Variants in DAGLB observed in about 807,000 individuals in gnomAD.
The protein encoded by DAGLB is diacylglycerol lipase-beta.
A neutral mutation model predicts 72.1 loss-of-function variants in DAGLB; 66 were observed. The observed-to-expected ratio is 0.92, with a 90% CI of 0.75 to 1.12. The LOEUF (loss-of-function observed/expected upper bound fraction) is 1.12. Ranked by LOEUF, DAGLB falls within the 50% of genes most tolerant of loss-of-function variation. The pLI, the probability that DAGLB is intolerant of heterozygous loss-of-function variation, is 0.00. For synonymous variants in DAGLB, 414 were observed against 359.5 expected (o/e 1.15, Z -1.71); for missense variants, 1,065 against 884.9 (o/e 1.20, Z -2.58).
At position 6,410,048 on chromosome 7, in the gene DAGLB, A is replaced by C; in HGVS notation, c.1821-13T>G. ...GCAGCAGCCAAACCTGAAGCAGAAA[A>C]GGAGAGACAGCTCCCACGCGGCCCC... On this transcript the variant is annotated splice_polypyrimidine_tract_variant and intron_variant, in intron 14 of 14. Transcript: ENST00000297056. The C allele has an allele frequency of 6.2e-7, 1 of 1,609,564 alleles. No homozygotes were observed. Among genetic ancestry groups the C allele is most frequent in the Non-Finnish European group, 8.5e-7 (1 of 1,177,096 alleles).
intron 9 of DAGLB, among the ~76,000 whole-genome samples, chr7:6,420,543 G>A (rs142801359): frequency 6.6e-6 from 1 of 152,268 alleles, no homozygotes; most frequent in Non-Finnish European, 1.5e-5. Flanking sequence ...AGACAAAGTA[G>A]AACAGAGGTT....
chr7:6,418,653 T>C (rs1421115592), intron 9 of DAGLB, among the ~76,000 whole-genome samples: 1 of 144,156 alleles, frequency 6.9e-6, no homozygotes, highest in Non-Finnish European at 1.5e-5. Context: ...CTAATCCAAC[T>C]ACAAGTTTCT....
chr7:6,447,846 G>T lies in DAGLB; in HGVS notation c.-4C>A, dbSNP rs753426563. 3.7e-6 allele frequency: 6 copies of T among 1,609,370 alleles called. No homozygotes were observed. The Admixed American group carries it at 8.4e-5, about 23-fold the overall frequency. ...CGAAGAGTACCATCCCCGGCATGGCGAAGGTCCCGTAGCTCGCACTCAGGA... is the reference window on the plus strand; with the variant it reads ...CGAAGAGTACCATCCCCGGCATGGCTAAGGTCCCGTAGCTCGCACTCAGGA... On this transcript the variant is annotated 5_prime_UTR_variant, in exon 1 of 15. Transcript: ENST00000297056.
In DAGLB at chr7:6,446,066, C is replaced by T; in HGVS notation, c.134G>A (p.Gly45Glu). The T allele has an allele frequency of 6.2e-7, 1 of 1,610,974 alleles. No homozygotes were observed. Among genetic ancestry groups the T allele is most frequent in the South Asian group, 1.1e-5 (1 of 90,762 alleles). Residue 45 changes from glycine (G) to glutamate (E), a missense_variant, in exon 2 of 15, where the codon GGA (glycine) becomes GAA (glutamate). Transcript: ENST00000297056. ...GGCTCCACCAGCACAGTCCAGCTTT[C>T]CTCTGTGCATGAGATACAACGTCAG... The part of the protein sequence containing the change: ...GILTLYLMHR[G>E]KLDCAGGALL...
chr7:6,438,123 T>A (rs985685012), intron 2 of DAGLB, among the ~76,000 whole-genome samples: 1 of 151,708 alleles, frequency 6.6e-6, no homozygotes, highest in Non-Finnish European at 1.5e-5. Flanking sequence ...AAACACCGCA[T>A]GTTTTCACTC....
Position 6,410,235 on chromosome 7 carries a change from G to T in DAGLB, c.1715C>A (p.Ala572Asp), listed in dbSNP as rs772337652. Residue 572 changes from alanine (A) to aspartate (D), a missense_variant, in exon 14 of 15, where the codon GCC becomes GAC. Coordinates refer to ENST00000297056, the MANE Select transcript of DAGLB (RefSeq NM_139179.4). Reference sequence around the variant, plus strand: ...TGGGGAGTCGCTGGAGAAGCTGTAGGCCGGGGACCAGCGCGTCAGTAGGCT... The same window carrying T: ...TGGGGAGTCGCTGGAGAAGCTGTAGTCCGGGGACCAGCGCGTCAGTAGGCT... ...EQSLLTRWSP[A>D]YSFSSDSPLD... 11 of 1,612,338 alleles carry T rather than the reference G, an allele frequency of 6.8e-6. No homozygotes were observed. The East Asian group carries it at 1.8e-4, about 26-fold the overall frequency.
At chr7:6,410,080 G>T in intron 14 of DAGLB, 45 bp from the exon 15 acceptor site, 1 of 1,589,580 alleles carries the variant, frequency 6.3e-7, no homozygotes, top group African/African-American at 1.3e-5. Flanking sequence ...CCCCAGGGCT[G>T]ACCCCGCGCT....
intron 11 of DAGLB, chr7:6,416,372 C>T (rs1783916648): frequency 8.6e-6 from 3 of 346,962 alleles, no homozygotes; most frequent in East Asian, 5.7e-5. Context: ...GGTGAAACCC[C>T]ACCACTACTA....
chr7:6,412,018 G>A (rs1476953413), intron 13 of DAGLB, among the ~76,000 whole-genome samples: 4 of 152,048 alleles, frequency 2.6e-5, no homozygotes, highest in African/African-American at 7.2e-5. Flanking sequence ...GGGTTCAAGC[G>A]ATTCTTCTGC....
intron 2 of DAGLB, among the ~76,000 whole-genome samples, chr7:6,436,777 T>C (rs1156316444): frequency 6.6e-6 from 1 of 152,082 alleles, no homozygotes; most frequent in African/African-American, 2.4e-5. Flanking sequence ...AAAACACTTC[T>C]GGGTTCTCAC....
At chr7:6,421,310 GGCA>G (rs1784111624) in intron 9 of DAGLB, among the ~76,000 whole-genome samples, 1 of 33,134 alleles carries the variant, frequency 3.0e-5, no homozygotes, top group African/African-American at 5.5e-4. Flanking sequence ...GTGAGAATCA[GGCA>G]GCGCGGGAGG....
At chr7:6,445,460 G>C (rs1232622082) in intron 2 of DAGLB, among the ~76,000 whole-genome samples, 1 of 152,136 alleles carries the variant, frequency 6.6e-6, no homozygotes, top group African/African-American at 2.4e-5. Flanking sequence ...GAATGCTTAG[G>C]GTTGGGAGAG....
intron 13 of DAGLB, among the ~76,000 whole-genome samples, chr7:6,411,085 C>T (rs139503507): frequency 0.023 from 3,434 of 152,012 alleles, 62 homozygotes; most frequent in Middle Eastern, 0.041. Context: ...GGGGTTTCAC[C>T]GTGGTCTCTA....
chr7:6,446,737 G>C (rs540191629), intron 1 of DAGLB, among the ~76,000 whole-genome samples: 4 of 151,784 alleles, frequency 2.6e-5, no homozygotes, highest in Admixed American at 6.6e-5. Context: ...GGCCCGGCAC[G>C]GCGGCTCACG....
At chr7:6,446,261 G>C (rs188180342) in intron 1 of DAGLB, among the ~76,000 whole-genome samples, 157 bp from the exon 2 acceptor site, 103 of 148,376 alleles carry the variant, frequency 6.9e-4, no homozygotes, top group Middle Eastern at 6.9e-3. Flanking sequence ...AAGGTCAGGA[G>C]ATCGAGACCA....
chr7:6,425,006 G>T (rs1050208993), intron 7 of DAGLB, among the ~76,000 whole-genome samples, 171 bp from the exon 8 acceptor site: 1 of 152,202 alleles, frequency 6.6e-6, no homozygotes, highest in Non-Finnish European at 1.5e-5. Flanking sequence ...CTCTGGCAGG[G>T]ACTGGCCTTC....
chr7:6,422,243 G>A, intron 8 of DAGLB: 1 of 319,434 alleles, frequency 3.1e-6, no homozygotes, highest in South Asian at 2.5e-5. Context: ...ATGGGGCACA[G>A]CCCAGGCGCA....
At chr7:6,414,983 AC>A (rs1783855699) in intron 11 of DAGLB, among the ~76,000 whole-genome samples, 2 of 152,064 alleles carry the variant, frequency 1.3e-5, no homozygotes, top group Non-Finnish European at 2.9e-5. Context: ...AGCCTGGGCA[AC>A]ATAGCAAGAC....
At chr7:6,436,801 T>C (rs1784672840) in intron 2 of DAGLB, among the ~76,000 whole-genome samples, 1 of 151,946 alleles carries the variant, frequency 6.6e-6, no homozygotes, top group Admixed American at 6.6e-5. Flanking sequence ...GGTGACAATA[T>C]AATCATGGCC....
Sources: allele counts gnomAD v4.1 joint callset (sites outside exome capture counted in the v4.1 genomes callset), GRCh38; gene constraint gnomAD v4.1.1; transcripts MANE v1.5; gene names NCBI Gene and HGNC (gene_info 2026-07-23, HGNC 2026-07-21).